The following OTUD7B variants were observed in gnomAD, a reference collection of about 807,000 sequenced individuals.
OTUD7B encodes the protein OTU deubiquitinase 7B.
In OTUD7B, 34 loss-of-function variants were observed where a neutral mutation model predicts 82.2. The ratio of observed to expected loss-of-function variants is 0.41; its 90% CI spans 0.31 to 0.55. The LOEUF is 0.55. Among genes scored for constraint, OTUD7B ranks in the 20% least tolerant of loss-of-function variants. The pLI is 0.20. For missense variants in OTUD7B, 944 were observed against 1,062.1 expected (o/e 0.89, Z 1.55); for synonymous variants, 398 against 402.7 (o/e 0.99, Z 0.14).
chr1:150,026,218 T>A, the OTUD7B span, among the ~76,000 whole-genome samples: 1 of 152,206 alleles, frequency 6.6e-6, no homozygotes, highest in Non-Finnish European at 1.5e-5. Flanking sequence ...CAGAACATGA[T>A]CACACTCAGC....
At chr1:150,058,534 A>G in the OTUD7B span, among the ~76,000 whole-genome samples, 2 of 152,086 alleles carry the variant, frequency 1.3e-5, no homozygotes, top group African/African-American at 4.8e-5. Context: ...CCCTGTCTTG[A>G]AAAATAAAAA....
intron 3 of OTUD7B, among the ~76,000 whole-genome samples, chr1:149,968,262 C>CAAAA (rs61307639): frequency 1.2e-4 from 16 of 131,186 alleles, no homozygotes; most frequent in South Asian, 2.4e-4. Flanking sequence ...GACCCCGTTT[C>CAAAA]AAAAAAAAAA....
chr1:150,063,561 G>T, the OTUD7B span, among the ~76,000 whole-genome samples: 1 of 152,182 alleles, frequency 6.6e-6, no homozygotes, highest in African/African-American at 2.4e-5. Flanking sequence ...TAAAAAGTAT[G>T]AATTCAGGAT....
chr1:150,050,081 G>A, the OTUD7B span, among the ~76,000 whole-genome samples: 3 of 151,944 alleles, frequency 2.0e-5, no homozygotes, highest in East Asian at 1.9e-4. Flanking sequence ...CAGGCATGGT[G>A]TTACGTGCCA....
the OTUD7B span, among the ~76,000 whole-genome samples, chr1:150,019,651 C>T: frequency 2.6e-5 from 4 of 152,062 alleles, no homozygotes; most frequent in Non-Finnish European, 5.9e-5. Context: ...GAGCCACTGG[C>T]GCCCTGGCCC....
intron 7 of OTUD7B, among the ~76,000 whole-genome samples, chr1:149,950,913 T>G (rs1352472720): frequency 3.4e-5 from 5 of 145,210 alleles, no homozygotes; most frequent in Non-Finnish European, 6.0e-5. Context: ...TGCCTCAGCC[T>G]CCCGAGTAGC....
the OTUD7B span, chr1:150,054,448 C>A: frequency 1.9e-6 from 1 of 528,924 alleles, no homozygotes; most frequent in Non-Finnish European, 3.7e-6. Context: ...CTGTCATTGC[C>A]ACCTCAGCCA....
At chr1:149,966,369 TCACAGCAACAAAG>T (rs1353918051) in intron 4 of OTUD7B, among the ~76,000 whole-genome samples, 1 of 152,128 alleles carries the variant, frequency 6.6e-6, no homozygotes, top group Non-Finnish European at 1.5e-5. Context: ...CCAGTATGTA[TCACAGCAACAAAG>T]CTCAGCAAAA....
In OTUD7B at chr1:149,967,480, T is replaced by A; in HGVS notation, c.316A>T (p.Ile106Phe). Residue 106 changes from isoleucine (I) to phenylalanine (F), a missense_variant, in exon 4 of 12, where the codon ATT becomes TTT. Physicochemically the swap from Ile to Phe is conservative, Grantham distance 21. Coordinates refer to ENST00000581312, the MANE Select transcript of OTUD7B (RefSeq NM_020205.4). ...ACATGGGACCGGGCCAGGGAAACAATGCTGGAGCTGGCGTGGGAGATGCCC... is the reference window on the plus strand; with the variant it reads ...ACATGGGACCGGGCCAGGGAAACAAAGCTGGAGCTGGCGTGGGAGATGCCC... ...SRGISHASSS[I>F]VSLARSHVSS... 1 of 1,613,316 alleles carries A rather than the reference T, an allele frequency of 6.2e-7. No homozygotes were observed. Among genetic ancestry groups the A allele is most frequent in the South Asian group, 1.1e-5 (1 of 91,024 alleles).
At chr1:150,019,517 G>T in the OTUD7B span, among the ~76,000 whole-genome samples, 1 of 151,972 alleles carries the variant, frequency 6.6e-6, no homozygotes, top group South Asian at 2.1e-4. Context: ...ACAGGCATGG[G>T]CACCATGCCT....
At chr1:149,958,271 A>T (rs1484168894) in intron 7 of OTUD7B, among the ~76,000 whole-genome samples, 1 of 147,944 alleles carries the variant, frequency 6.8e-6, no homozygotes, top group African/African-American at 2.5e-5. Context: ...ATATAATTTC[A>T]TCCATTTTTA....
chr1:149,959,605 A>G (rs782173989), intron 7 of OTUD7B, 79 bp downstream of exon 7: 5 of 840,104 alleles, frequency 6.0e-6, no homozygotes, highest in African/African-American at 1.7e-5. Flanking sequence ...CTTAGCACAG[A>G]GCTCTCTAGA....
the OTUD7B span, among the ~76,000 whole-genome samples, chr1:150,021,128 C>A: frequency 3.9e-5 from 6 of 152,138 alleles, no homozygotes; most frequent in African/African-American, 7.2e-5. Flanking sequence ...CTATTTCTTT[C>A]TCTCAAAACA....
upstream of OTUD7B, among the ~76,000 whole-genome samples, chr1:150,013,238 T>C (rs988006331): frequency 8.5e-5 from 13 of 152,252 alleles, no homozygotes; most frequent in Admixed American, 3.9e-4. Flanking sequence ...TTTTGTTTAC[T>C]CGTCTTAGCA....
chr1:149,940,409 A>G lies in OTUD7B; in HGVS notation c.*3448T>C, dbSNP rs2092753451. On this transcript the variant is annotated 3_prime_UTR_variant, in exon 12 of 12. Coordinates refer to ENST00000581312, the MANE Select transcript of OTUD7B (RefSeq NM_020205.4). ...TTCTGGTTAAATCTTGTAACTTTCAATAAATGCAGCATAGGTTAAGGGAGA... is the reference window on the plus strand; with the variant it reads ...TTCTGGTTAAATCTTGTAACTTTCAGTAAATGCAGCATAGGTTAAGGGAGA... The G allele has an allele frequency of 6.6e-6, 1 of 152,176 alleles. No homozygotes were observed. 9.4% of individuals were successfully genotyped at this position (152,176 alleles called of 1,614,324 possible).
the OTUD7B span, among the ~76,000 whole-genome samples, chr1:150,062,602 G>A: frequency 6.6e-6 from 1 of 151,800 alleles, no homozygotes; most frequent in South Asian, 2.1e-4. Flanking sequence ...CTACCATAGT[G>A]CACAGTCTAC....
chr1:149,996,501 T>A (rs1559863206), intron 1 of OTUD7B, among the ~76,000 whole-genome samples: 1 of 152,256 alleles, frequency 6.6e-6, no homozygotes, highest in African/African-American at 2.4e-5. Flanking sequence ...TGGAATCCGT[T>A]AGAGCTATAT....
upstream of OTUD7B, among the ~76,000 whole-genome samples, chr1:150,011,242 A>G (rs1209588142): frequency 6.6e-6 from 1 of 152,206 alleles, no homozygotes; most frequent in Non-Finnish European, 1.5e-5. Flanking sequence ...ATTTACTTGC[A>G]TAACAGTGAT....
chr1:149,967,000 C>A (rs1553776689), intron 4 of OTUD7B, among the ~76,000 whole-genome samples: 1 of 151,908 alleles, frequency 6.6e-6, no homozygotes, highest in Admixed American at 6.6e-5. Context: ...CAAGGGTGTT[C>A]CAGGGCCAAT....
Sources: gnomAD v4.1 joint callset for allele counts (sites outside exome capture counted in the v4.1 genomes callset) on GRCh38, gnomAD v4.1.1 for gene constraint, MANE v1.5 for transcripts, NCBI Gene and HGNC (gene_info 2026-07-23, HGNC 2026-07-21) for gene names.